HIVEP3: variants seen among roughly 807,000 people sequenced by gnomAD.
HIVEP3 encodes HIVEP zinc finger 3.
In HIVEP3, 49 loss-of-function variants were observed where a neutral mutation model predicts 152.8. The observed-to-expected ratio is 0.32, with a 90% CI of 0.26 to 0.41. The LOEUF (loss-of-function observed/expected upper bound fraction) is 0.41, where lower values mean the gene tolerates loss of function less well. Ranked by LOEUF, HIVEP3 falls within the 10% of genes least tolerant of loss-of-function variation. The pLI, the probability that HIVEP3 is intolerant of heterozygous loss-of-function variation, is 1.00. For synonymous variants in HIVEP3, 1,269 were observed against 1,289.0 expected (o/e 0.98, Z 0.33); for missense variants, 2,790 against 3,103.3 (o/e 0.90, Z 2.40).
chr1:41,941,406 T>A (rs761006474), intron 1 of HIVEP3, among the ~76,000 whole-genome samples: 16 of 152,020 alleles, frequency 1.1e-4, no homozygotes, highest in Admixed American at 2.0e-4. Flanking sequence ...TGGTCTATGA[T>A]CTAAGGAGGG....
intron 1 of HIVEP3, among the ~76,000 whole-genome samples, chr1:41,843,905 C>T (rs648198): frequency 6.6e-6 from 1 of 151,682 alleles, no homozygotes; most frequent in Non-Finnish European, 1.5e-5. Context: ...ATCCCTCCCC[C>T]CTCCGTGTGT....
intron 1 of HIVEP3, among the ~76,000 whole-genome samples, chr1:42,016,614 T>C (rs1265275310): frequency 6.6e-6 from 1 of 152,158 alleles, no homozygotes. Context: ...TGGTGTATAT[T>C]TTCCCAGAAT....
intron 3 of HIVEP3, among the ~76,000 whole-genome samples, chr1:41,587,655 G>C (rs1398502531): frequency 1.3e-5 from 2 of 152,180 alleles, no homozygotes; most frequent in African/African-American, 4.8e-5. Context: ...GTGATCTTCT[G>C]ATAGATTCTT....
At chr1:41,570,640 A>C (rs750719116) in intron 5 of HIVEP3, among the ~76,000 whole-genome samples, 49 of 152,368 alleles carry the variant, frequency 3.2e-4, no homozygotes, top group South Asian at 1.0e-3. Context: ...AGACTAATAC[A>C]GGCAGTGTCC....
chr1:41,550,572 C>T (rs142654254), intron 5 of HIVEP3, among the ~76,000 whole-genome samples: 3,586 of 152,214 alleles, frequency 0.024, 141 homozygotes, highest in African/African-American at 0.08. Flanking sequence ...TTGTAGGTCT[C>T]CTTGAAGAGG....
chr1:41,814,706 T>G (rs894368591), intron 1 of HIVEP3, among the ~76,000 whole-genome samples: 1 of 152,244 alleles, frequency 6.6e-6, no homozygotes, highest in Non-Finnish European at 1.5e-5. Flanking sequence ...GAAAGCTTTA[T>G]TATGCATTAG....
chr1:41,670,996 G>A (rs758114476), intron 2 of HIVEP3, among the ~76,000 whole-genome samples: 3 of 152,126 alleles, frequency 2.0e-5, no homozygotes, highest in East Asian at 1.9e-4. Flanking sequence ...AGGTGGGAAC[G>A]GTAGACAAAG....
At chr1:41,831,361 T>A (rs1444215904) in intron 1 of HIVEP3, among the ~76,000 whole-genome samples, 1 of 152,170 alleles carries the variant, frequency 6.6e-6, no homozygotes, top group Non-Finnish European at 1.5e-5. Flanking sequence ...AATGAGATGG[T>A]AGAATGTGAT....
intron 1 of HIVEP3, among the ~76,000 whole-genome samples, chr1:41,751,043 C>T (rs1462232505): frequency 6.6e-6 from 1 of 152,104 alleles, no homozygotes; most frequent in Non-Finnish European, 1.5e-5. Context: ...GGACTAGGTT[C>T]GTAAGAACGG....
chr1:42,018,340 T>C (rs1049827350), intron 1 of HIVEP3, among the ~76,000 whole-genome samples: 2 of 125,052 alleles, frequency 1.6e-5, no homozygotes, highest in African/African-American at 5.8e-5. Context: ...TTATGTTTTC[T>C]TTTAAGAGCT....
chr1:41,698,233 A>G (rs1646306898), intron 2 of HIVEP3, among the ~76,000 whole-genome samples: 1 of 152,108 alleles, frequency 6.6e-6, no homozygotes, highest in African/African-American at 2.4e-5. Flanking sequence ...CTATGGTCCC[A>G]TAGCACTTTG....
intron 2 of HIVEP3, among the ~76,000 whole-genome samples, chr1:41,656,611 T>A (rs952141716): frequency 6.6e-6 from 1 of 152,174 alleles, no homozygotes; most frequent in Admixed American, 6.5e-5. Context: ...AAAGCAGCAA[T>A]GCACCAGGCA....
rs558722554 is a variant in HIVEP3, at chr1:41,742,484, C to T, written c.-800-41489G>A. ...CCTCCCTCCCAGCATCTGGCTTGCT[C>T]GACATTGCCTTTCTCTGTTCCACAT... On this transcript the variant is annotated intron_variant, in intron 1 of 8. Coordinates refer to ENST00000372583, the MANE Select transcript of HIVEP3 (RefSeq NM_024503.5). Among the ~76,000 whole-genome samples, 20 of 152,360 alleles carry T rather than the reference C, an allele frequency of 1.3e-4. 1 individual carries two copies. The South Asian group carries it at 1.7e-3, about 13-fold the overall frequency.
intron 1 of HIVEP3, among the ~76,000 whole-genome samples, chr1:41,942,224 A>T (rs571938000): frequency 1.3e-5 from 2 of 152,312 alleles, no homozygotes; most frequent in East Asian, 3.9e-4. Flanking sequence ...AGGCACAATT[A>T]ACACATCCAT....
chr1:41,599,228 C>T (rs962130731), intron 3 of HIVEP3, among the ~76,000 whole-genome samples: 3 of 152,040 alleles, frequency 2.0e-5, no homozygotes, highest in African/African-American at 4.8e-5. Flanking sequence ...CCTTGACCCC[C>T]GATATCATAC....
chr1:41,938,323 C>T (rs1253766707), intron 1 of HIVEP3, among the ~76,000 whole-genome samples: 1 of 152,190 alleles, frequency 6.6e-6, no homozygotes, highest in African/African-American at 2.4e-5. Flanking sequence ...TGCATCAATG[C>T]AGAAGCCATG....
Position 41,511,318 on chromosome 1 carries a change from T to C in HIVEP3, c.6406-52A>G, listed in dbSNP as rs774130152. 6.9e-7 allele frequency: 1 copy of C among 1,454,356 alleles called. No individual in the cohort carries two copies. Among genetic ancestry groups the C allele is most frequent in the Non-Finnish European group, 9.2e-7 (1 of 1,083,604 alleles). 90.1% of individuals were successfully genotyped at this position (1,454,356 alleles called of 1,614,324 possible). A position where few individuals can be genotyped will look rare whatever the true frequency, so the allele number is the denominator to read the frequency against. On this transcript the variant is annotated intron_variant, in intron 8 of 8. Coordinates refer to ENST00000372583, the MANE Select transcript of HIVEP3 (RefSeq NM_024503.5). This position sits in a 1 kb window ranked among gnomAD's most constrained non-coding sequence, Gnocchi z 4.9. ...AGGTGAAGGTTACATGCTGGGCACA[T>C]GGGGAGCCGAGGCCTGGAAGTGGGA...
At chr1:41,828,967 C>T (rs138370478) in intron 1 of HIVEP3, among the ~76,000 whole-genome samples, 2,505 of 152,316 alleles carry the variant, frequency 0.016, 39 homozygotes, top group Non-Finnish European at 0.021. Context: ...TTCTGGCCAA[C>T]ATTGCCCAAC....
chr1:41,730,647 C>G (rs927145180), intron 1 of HIVEP3, among the ~76,000 whole-genome samples: 1 of 152,258 alleles, frequency 6.6e-6, no homozygotes, highest in African/African-American at 2.4e-5. Context: ...ACGCTCTTTG[C>G]ACGTTAATAA....
Sources: allele counts gnomAD v4.1 joint callset (sites outside exome capture counted in the v4.1 genomes callset), GRCh38; gene constraint gnomAD v4.1.1; non-coding constraint Gnocchi (gnomAD v3.1); transcripts MANE v1.5; gene names NCBI Gene and HGNC (gene_info 2026-07-23, HGNC 2026-07-21).